Variants in DAPK1 observed in about 807,000 individuals in gnomAD.
DAPK1 encodes the protein death associated protein kinase 1.
Under a neutral mutation model 144.9 loss-of-function variants are expected in DAPK1, and 56 were observed. That is an observed-to-expected ratio of 0.39 (90% confidence interval 0.31 to 0.48). DAPK1 has a LOEUF of 0.48. Among genes scored for constraint, DAPK1 ranks in the 20% least tolerant of loss-of-function variants. The pLI is 0.95. For synonymous variants in DAPK1, 690 were observed against 749.0 expected, an observed-to-expected ratio of 0.92 and a Z score of 1.29; for missense variants, 1,454 against 1,875.4, an observed-to-expected ratio of 0.78 and a Z score of 4.15.
chr9:87,545,792 G>A (rs532996765), intron 2 of DAPK1, among the ~76,000 whole-genome samples: 12 of 151,970 alleles, frequency 7.9e-5, no homozygotes, highest in African/African-American at 2.2e-4. Flanking sequence ...TGATCCACCC[G>A]CCTCAGCCTC....
intron 2 of DAPK1, among the ~76,000 whole-genome samples, chr9:87,584,096 C>T (rs1026946936): frequency 1.3e-5 from 2 of 152,016 alleles, no homozygotes; most frequent in African/African-American, 2.4e-5. Flanking sequence ...TTACTGTGTA[C>T]AACATGATGT....
chr9:87,567,413 C>T lies in DAPK1; in HGVS notation c.63-37541C>T, dbSNP rs36233187. On this transcript the variant is annotated intron_variant, in intron 2 of 25. Transcript: ENST00000408954. ...AATGGGGGTAGGGAAGGGAATGGGG[C>T]GTGGGGAAGAAATAAGTGACTGTCT... is the stretch of plus-strand genomic sequence containing the variant. Among the ~76,000 whole-genome samples, 1,338 of 151,946 alleles carry T rather than the reference C, an allele frequency of 8.8e-3. 26 individuals are homozygous for T. The highest frequency in any genetic ancestry group is 0.03 in the African/African-American group (1,260 of 41,408).
At chr9:87,560,196 A>G (rs916162341) in intron 2 of DAPK1, among the ~76,000 whole-genome samples, 14 of 151,526 alleles carry the variant, frequency 9.2e-5, no homozygotes, top group African/African-American at 2.7e-4. Flanking sequence ...GGGTTTCGCC[A>G]TGTTGACCAG....
intron 3 of DAPK1, chr9:87,633,106 C>T: frequency 1.0e-6 from 1 of 976,982 alleles, no homozygotes; most frequent in South Asian, 4.8e-5. Flanking sequence ...AGGATGAGTA[C>T]ATATGTAGAA....
chr9:87,586,969 T>G (rs1827958534), intron 2 of DAPK1, among the ~76,000 whole-genome samples: 2 of 152,256 alleles, frequency 1.3e-5, no homozygotes, highest in South Asian at 4.1e-4. Context: ...TTCACCCACC[T>G]GTCCAGTGAG....
intron 3 of DAPK1, among the ~76,000 whole-genome samples, chr9:87,620,587 G>A (rs944259527): frequency 1.3e-5 from 2 of 151,466 alleles, no homozygotes; most frequent in African/African-American, 4.9e-5. Context: ...GGAGGGAGAG[G>A]GGAGGAGGAA....
chr9:87,666,477 G>GTT lies in DAPK1; in HGVS notation c.1924-2107_1924-2106dup, dbSNP rs71354777. On this transcript the variant is annotated intron_variant, in intron 18 of 25. Coordinates refer to ENST00000408954, the MANE Select transcript of DAPK1 (RefSeq NM_004938.4). ...TATATATATATATGTTTTTGTTTTT[G>GTT]TTTTTTTTTTTTTTGAGATGGAGTC... 3.8e-3 allele frequency among the ~76,000 whole-genome samples: 533 copies of GTT among 139,964 alleles called. 5 individuals carry two copies. The highest frequency in any genetic ancestry group is 0.013 in the African/African-American group (481 of 38,360). The allele number at this position is 139,964 out of a possible 152,430, so 91.8% of individuals were successfully genotyped here. A position where few individuals can be genotyped will look rare whatever the true frequency, so the allele number is the denominator to read the frequency against.
At chr9:87,680,730 T>G (rs1482853407) in intron 19 of DAPK1, among the ~76,000 whole-genome samples, 2 of 151,844 alleles carry the variant, frequency 1.3e-5, no homozygotes, top group Non-Finnish European at 2.9e-5. Context: ...GCAATGGAAA[T>G]AGGCAGATTC....
chr9:87,706,312 C>G lies in DAPK1; in HGVS notation c.3241C>G (p.Leu1081Val). 1 of 1,609,916 alleles carries G rather than the reference C, an allele frequency of 6.2e-7. No individual in the cohort carries two copies. The highest frequency in any genetic ancestry group is 8.5e-7 in the Non-Finnish European group (1 of 1,177,676). Reference protein sequence around the residue: ...RLVPDSDVEELLQILDAMDIC... With the variant: ...RLVPDSDVEEVLQILDAMDIC... ...GGTGCCCGACAGCGACGTGGAGGAG[C>G]TGCTGCAGATCCTCGATGCCATGGA... Residue 1081 changes from leucine to valine, a missense_variant, in exon 26 of 26, where the codon CTG becomes GTG. Physicochemically the swap from Leu to Val is conservative, Grantham distance 32. Around this residue, in one of 2 missense-constraint regions of DAPK1, gnomAD observed 1,025 missense variants for 1,237.9 expected, o/e 0.83. Transcript: ENST00000408954. This position sits in a 1 kb window ranked among gnomAD's most constrained non-coding sequence, Gnocchi z 9.0.
chr9:87,640,160 C>T (rs1452972858), intron 7 of DAPK1, 138 bp from the exon 8 acceptor site: 1 of 882,938 alleles, frequency 1.1e-6, no homozygotes, highest in African/African-American at 1.7e-5. Flanking sequence ...ACAGTTAAAG[C>T]CCTATGAAAT....
intron 3 of DAPK1, among the ~76,000 whole-genome samples, chr9:87,610,441 G>A (rs938043195): frequency 4.6e-5 from 7 of 152,246 alleles, no homozygotes; most frequent in African/African-American, 1.4e-4. Flanking sequence ...GGTGAAGGGC[G>A]AAGCCAAACT....
Position 87,497,975 on chromosome 9 carries a change from G to A in DAPK1, c.-241G>A. On this transcript the variant is annotated 5_prime_UTR_variant, in exon 1 of 26. Transcript: ENST00000408954. ...GCGGCAGGGTCTGGGGCCGGCGCCT[G>A]GGAGGGATCTGCGCCCCCCACTCAC... The A allele has an allele frequency of 5.0e-6, 2 of 397,180 alleles. No homozygotes were observed. The highest frequency in any genetic ancestry group is 8.9e-6 in the Non-Finnish European group (2 of 225,520). The allele number at this position is 397,180 out of a possible 1,614,324, so 24.6% of individuals were successfully genotyped here.
intron 3 of DAPK1, among the ~76,000 whole-genome samples, chr9:87,629,764 A>G (rs1392176098): frequency 6.6e-6 from 1 of 152,212 alleles, no homozygotes; most frequent in Non-Finnish European, 1.5e-5. Context: ...TATTTTCCAA[A>G]GATGGCTTCA....
At chr9:87,699,797 T>C (rs1825394735) in intron 23 of DAPK1, among the ~76,000 whole-genome samples, 1 of 152,244 alleles carries the variant, frequency 6.6e-6, no homozygotes, top group Non-Finnish European at 1.5e-5. Context: ...TTGTCCTCAC[T>C]TGTAAGGTGC....
At chr9:87,653,194 CG>C (rs1830517475) in intron 17 of DAPK1, among the ~76,000 whole-genome samples, 1 of 120,224 alleles carries the variant, frequency 8.3e-6, no homozygotes, top group South Asian at 2.9e-4. Context: ...TCCATCCCCC[CG>C]ATCCCGGGTC....
intron 3 of DAPK1, among the ~76,000 whole-genome samples, chr9:87,629,570 G>A (rs373599787): frequency 7.9e-5 from 12 of 152,082 alleles, no homozygotes; most frequent in African/African-American, 2.9e-4. Flanking sequence ...AGAGATGGGG[G>A]TCTCACTGTG....
At chr9:87,612,038 A>C (rs1473870926) in intron 3 of DAPK1, among the ~76,000 whole-genome samples, 1 of 152,218 alleles carries the variant, frequency 6.6e-6, no homozygotes, top group African/African-American at 2.4e-5. Flanking sequence ...TCTTACTGTC[A>C]TAACATGGCA....
At chr9:87,513,578 C>T (rs1367461923) in intron 2 of DAPK1, among the ~76,000 whole-genome samples, 2 of 152,162 alleles carry the variant, frequency 1.3e-5, no homozygotes, top group Admixed American at 1.3e-4. Flanking sequence ...AGACCAGCAG[C>T]TGGAGGTAGG....
At chr9:87,505,472 T>G (rs1315957499) in intron 2 of DAPK1, among the ~76,000 whole-genome samples, 2 of 152,174 alleles carry the variant, frequency 1.3e-5, no homozygotes, top group Non-Finnish European at 2.9e-5. Context: ...CTCGGCTCAC[T>G]GCAACCTCCG....
Sources: gnomAD v4.1 joint callset for allele counts (sites outside exome capture counted in the v4.1 genomes callset) on GRCh38, gnomAD v4.1.1 for gene constraint, gnomAD v4.1.1 regional missense constraint, Gnocchi (gnomAD v3.1) non-coding constraint, MANE v1.5 for transcripts, NCBI Gene and HGNC (gene_info 2026-07-23, HGNC 2026-07-21) for gene names.